The following CTNNAL1 variants were observed in gnomAD, a reference collection of about 807,000 sequenced individuals.
The protein encoded by CTNNAL1 is alpha-catulin.
Under a neutral mutation model 93.6 loss-of-function variants are expected in CTNNAL1, and 69 were observed. That is an observed-to-expected ratio of 0.74 (90% CI 0.61 to 0.90). The LOEUF is 0.90. CTNNAL1 is among the 40% of genes least tolerant of loss of function. The pLI is 0.00. For synonymous variants in CTNNAL1, 286 were observed against 305.4 expected, an observed-to-expected ratio of 0.94 and a Z score of 0.66; for missense variants, 836 against 862.0, an observed-to-expected ratio of 0.97 and a Z score of 0.38.
chr9:108,972,864 G>GGGGGGGGGCCCC, intron 8 of CTNNAL1, 31 bp from the exon 9 acceptor site: 16 of 142,476 alleles, frequency 1.1e-4, no homozygotes, highest in Non-Finnish European at 1.5e-4. Context: ...GGGGGGGTGG[G>GGGGGGGGGCCCC]AGGGTGGAGA....
intron 1 of CTNNAL1, among the ~76,000 whole-genome samples, chr9:109,006,596 T>C (rs1827034097): frequency 6.6e-6 from 1 of 152,072 alleles, no homozygotes; most frequent in Non-Finnish European, 1.5e-5. Flanking sequence ...AAATTGAGAG[T>C]CATAACTTGG....
At chr9:108,969,698 C>A (rs756672255) in intron 10 of CTNNAL1, among the ~76,000 whole-genome samples, 94 of 152,090 alleles carry the variant, frequency 6.2e-4, no homozygotes, top group Non-Finnish European at 2.8e-4. Context: ...TGTCACCCAG[C>A]CTGGTGTACA....
In CTNNAL1 at chr9:109,013,339, C is replaced by G; in HGVS notation, c.104G>C (p.Arg35Pro). 1 of 1,514,796 alleles carries G rather than the reference C, an allele frequency of 6.6e-7. No individual in the cohort carries two copies. The highest frequency in any genetic ancestry group is 8.8e-7 in the Non-Finnish European group (1 of 1,130,792). 93.8% of individuals were successfully genotyped at this position (1,514,796 alleles called of 1,614,324 possible). Residue 35 changes from arginine (R) to proline (P), a missense_variant, in exon 1 of 19, where the codon CGC becomes CCC. Coordinates refer to ENST00000325551, the MANE Select transcript of CTNNAL1 (RefSeq NM_003798.4). Reference sequence around the variant, plus strand: ...CGGGAGTAGCGTCTGCTCCACCGAGCGAGTTTTGATCTCCAGTCCCGAGTC... The same window carrying G: ...CGGGAGTAGCGTCTGCTCCACCGAGGGAGTTTTGATCTCCAGTCCCGAGTC... ...ALDSGLEIKTRSVEQTLLPLV... is the reference protein window; with the variant it reads ...ALDSGLEIKTPSVEQTLLPLV...
intron 2 of CTNNAL1, among the ~76,000 whole-genome samples, chr9:108,993,685 C>T (rs1831901536): frequency 6.6e-6 from 1 of 152,192 alleles, no homozygotes; most frequent in African/African-American, 2.4e-5. Flanking sequence ...CTACAATATT[C>T]TTCAAACCTC....
intron 8 of CTNNAL1, among the ~76,000 whole-genome samples, chr9:108,974,184 A>G (rs1587963975): frequency 6.6e-6 from 1 of 152,178 alleles, no homozygotes; most frequent in African/African-American, 2.4e-5. Flanking sequence ...TAATCCTTAC[A>G]AGAATTCTAT....
intron 2 of CTNNAL1, among the ~76,000 whole-genome samples, chr9:108,994,656 G>A (rs557002569): frequency 2.6e-5 from 4 of 152,296 alleles, no homozygotes; most frequent in African/African-American, 9.6e-5. Flanking sequence ...GAATTCTGTG[G>A]TAGCCAGCCT....
rs774871628 is a variant in CTNNAL1 at position 108,983,225 on chromosome 9, C to G, written c.820G>C (p.Glu274Gln). Residue 274 changes from glutamate (E) to glutamine (Q), a missense_variant, in exon 6 of 19, where the codon GAA becomes CAA. Coordinates refer to ENST00000325551, the MANE Select transcript of CTNNAL1 (RefSeq NM_003798.4). Reference sequence around the variant, plus strand: ...TTCGGTTTACAGTCAGTCACAATTTCAATGACCTTATCCAATGCCACTTTC... The same window carrying G: ...TTCGGTTTACAGTCAGTCACAATTTGAATGACCTTATCCAATGCCACTTTC... ...RMKVALDKVI[E>Q]IVTDCKPNGE... 2 of 1,595,670 alleles carry G rather than the reference C, an allele frequency of 1.3e-6. No homozygotes were observed. Among genetic ancestry groups the G allele is most frequent in the East Asian group, 2.3e-5 (1 of 43,602 alleles).
chr9:108,972,864 G>GGGGGGGCCCCCCCCCC, intron 8 of CTNNAL1, 31 bp from the exon 9 acceptor site: 127 of 141,782 alleles, frequency 9.0e-4, no homozygotes, highest in Non-Finnish European at 1.2e-3. Flanking sequence ...GGGGGGGTGG[G>GGGGGGGCCCCCCCCCC]AGGGTGGAGA....
In CTNNAL1 at chr9:108,970,506, T is replaced by C; in HGVS notation, c.1348-12A>G. 1.9e-6 allele frequency: 3 copies of C among 1,603,500 alleles called. No individual in the cohort carries two copies. The highest frequency in any genetic ancestry group is 2.6e-6 in the Non-Finnish European group (3 of 1,175,484). On this transcript the variant is annotated splice_polypyrimidine_tract_variant and intron_variant, in intron 9 of 18. Transcript: ENST00000325551. ...AACAATCGACAGGTCTACAAGACAA[T>C]ATGTCTACAGTTTAACTTTCACATC...
chr9:108,986,344 A>G (rs1411938385), intron 4 of CTNNAL1, among the ~76,000 whole-genome samples: 5 of 149,176 alleles, frequency 3.4e-5, no homozygotes, highest in African/African-American at 1.2e-4. Flanking sequence ...ATGTCCCTAC[A>G]AAGGACATGA....
chr9:108,958,132 T>G (rs1031236947), intron 11 of CTNNAL1, among the ~76,000 whole-genome samples: 65 of 148,874 alleles, frequency 4.4e-4, no homozygotes, highest in African/African-American at 1.6e-3. Flanking sequence ...GAAAAAAGAA[T>G]TTTGAATTTT....
chr9:108,988,383 C>T (rs902441748), intron 4 of CTNNAL1, among the ~76,000 whole-genome samples: 2 of 151,986 alleles, frequency 1.3e-5, no homozygotes, highest in Admixed American at 6.5e-5. Context: ...CATGCCCAGC[C>T]TCACCACTGC....
chr9:108,984,294 G>C (rs1831531929), intron 5 of CTNNAL1, 53 bp downstream of exon 5: 1 of 874,662 alleles, frequency 1.1e-6, no homozygotes, highest in Non-Finnish European at 1.9e-6. Flanking sequence ...AATGCATTTA[G>C]TCGGGTGTTC....
chr9:108,967,291 T>A (rs1310136711), intron 10 of CTNNAL1, among the ~76,000 whole-genome samples: 2 of 152,222 alleles, frequency 1.3e-5, no homozygotes, highest in Non-Finnish European at 2.9e-5. Flanking sequence ...TTATGATAAC[T>A]GCTATGAGGG....
chr9:108,951,535 G>A (rs1365484715), intron 14 of CTNNAL1, among the ~76,000 whole-genome samples: 1 of 152,204 alleles, frequency 6.6e-6, no homozygotes, highest in African/African-American at 2.4e-5. Context: ...CAGAAACTGA[G>A]TGAAAAGCTT....
At chr9:109,009,962 G>A (rs1372214049) in intron 1 of CTNNAL1, among the ~76,000 whole-genome samples, 1 of 152,022 alleles carries the variant, frequency 6.6e-6, no homozygotes, top group Non-Finnish European at 1.5e-5. Flanking sequence ...CATATTCTTA[G>A]GAAGCTCATA....
At chr9:108,992,483 T>A in intron 3 of CTNNAL1, 149 bp downstream of exon 3, 1 of 1,007,078 alleles carries the variant, frequency 9.9e-7, no homozygotes, top group Non-Finnish European at 1.4e-6. Flanking sequence ...GATCAGTGTG[T>A]CAATGTATCC....
intron 11 of CTNNAL1, among the ~76,000 whole-genome samples, chr9:108,965,080 G>A (rs922315449): frequency 9.2e-5 from 14 of 151,986 alleles, no homozygotes; most frequent in Admixed American, 1.3e-4. Flanking sequence ...GGTTGGGCTC[G>A]AACTCCTGGC....
chr9:109,005,711 G>T (rs145052344), intron 1 of CTNNAL1, among the ~76,000 whole-genome samples: 1 of 152,262 alleles, frequency 6.6e-6, no homozygotes, highest in African/African-American at 2.4e-5. Context: ...ATAGCAATCC[G>T]AACAGATTAA....
Sources: gnomAD v4.1 joint callset for allele counts (sites outside exome capture counted in the v4.1 genomes callset) on GRCh38, gnomAD v4.1.1 for gene constraint, MANE v1.5 for transcripts, NCBI Gene and HGNC (gene_info 2026-07-23, HGNC 2026-07-21) for gene names.